The following NEURL1B variants were observed in gnomAD, a reference collection of about 807,000 sequenced individuals.
The protein encoded by NEURL1B is neuralized E3 ubiquitin protein ligase 1B.
A neutral mutation model predicts 37.4 loss-of-function variants in NEURL1B; 13 were observed. The observed-to-expected ratio is 0.35, with a 90% CI of 0.23 to 0.55. The LOEUF is 0.55. Ranked by LOEUF, NEURL1B falls within the 20% of genes least tolerant of loss-of-function variation. The pLI is 0.89. For synonymous variants in NEURL1B, 432 were observed against 426.6 expected, an observed-to-expected ratio of 1.01 and a Z score of -0.16; for missense variants, 790 against 879.2, an observed-to-expected ratio of 0.90 and a Z score of 1.28.
chr5:172,656,691 T>C, intron 1 of NEURL1B: 2 of 1,459,140 alleles, frequency 1.4e-6, no homozygotes, highest in Non-Finnish European at 9.5e-7. Context: ...TGGCTTCTTC[T>C]TGCCACCTTC....
At chr5:172,649,955 C>T (rs931360736) in intron 1 of NEURL1B, among the ~76,000 whole-genome samples, 29 of 149,336 alleles carry the variant, frequency 1.9e-4, no homozygotes, top group African/African-American at 6.5e-4. Context: ...CCGCTAGCCT[C>T]ACTTCTAGGC....
At chr5:172,669,054 T>C (rs1241650064) in intron 1 of NEURL1B, among the ~76,000 whole-genome samples, 1 of 152,164 alleles carries the variant, frequency 6.6e-6, no homozygotes, top group Non-Finnish European at 1.5e-5. Context: ...CTCAGTAATA[T>C]ATATCATCAG....
At chr5:172,653,718 A>G (rs1757711502) in intron 1 of NEURL1B, among the ~76,000 whole-genome samples, 1 of 152,230 alleles carries the variant, frequency 6.6e-6, no homozygotes, top group Admixed American at 6.5e-5. Flanking sequence ...TAATCCTTTT[A>G]CTAAAAGTAT....
chr5:172,641,488 G>T lies in NEURL1B; in HGVS notation c.31+51G>T, dbSNP rs1757458643. ...GGCGGGCGCCGGGCTTCTCTCCTCC[G>T]GGGGACCCGCTGGGTGACTCTGGAG... On this transcript the variant is annotated intron_variant, in intron 1 of 4. Coordinates refer to ENST00000369800, the MANE Select transcript of NEURL1B (RefSeq NM_001142651.3). The surrounding 1 kb of genome is among the most constrained non-coding windows in gnomAD (Gnocchi z 6.4). 8.0e-7 allele frequency: 1 copy of T among 1,251,678 alleles called. No individual in the cohort carries two copies. Among genetic ancestry groups the T allele is most frequent in the South Asian group, 3.0e-5 (1 of 32,870 alleles). The allele number at this position is 1,251,678 out of a possible 1,614,324, so 77.5% of individuals were successfully genotyped here.
At position 172,689,290 on chromosome 5, in the gene NEURL1B, CAA is replaced by C. The variant is rs1758581437; in HGVS notation, c.*2366_*2367del. ...ACTATGTTCTGTCTTGAGAAGGGGA[CAA>C]GAGAAAGAGGAAAAGGAGCCACTGT... is the stretch of plus-strand genomic sequence containing the variant. On this transcript the variant is annotated 3_prime_UTR_variant, in exon 5 of 5. Coordinates refer to ENST00000369800, the MANE Select transcript of NEURL1B (RefSeq NM_001142651.3). 1.3e-5 allele frequency: 2 copies of C among 152,198 alleles called. No homozygotes were observed. The highest frequency in any genetic ancestry group is 4.1e-4 in the South Asian group (2 of 4,828). 9.4% of individuals were successfully genotyped at this position (152,198 alleles called of 1,614,324 possible). A position where few individuals can be genotyped will look rare whatever the true frequency, so the allele number is the denominator to read the frequency against.
intron 2 of NEURL1B, among the ~76,000 whole-genome samples, chr5:172,680,340 T>C (rs775883478): frequency 6.6e-6 from 1 of 151,964 alleles, no homozygotes. Flanking sequence ...CCTGTCTCCA[T>C]AGGCCATGCT....
chr5:172,686,694 C>T lies in NEURL1B; in HGVS notation c.1437C>T (p.Ser479=), dbSNP rs541333797. ...ASESSLVTAP[S]SPLSPPVSPV... ...CCCTTTCGGCAGTGACGGCCCCCAGCTCCCCGCTGAGCCCCCCGGTGTCCC... is the reference window on the plus strand; with the variant it reads ...CCCTTTCGGCAGTGACGGCCCCCAGTTCCCCGCTGAGCCCCCCGGTGTCCC... The change falls in exon 5 of 5, where the codon AGC becomes AGT. Residue 479 remains serine, a synonymous_variant. Transcript: ENST00000369800. This position sits in a 1 kb window ranked among gnomAD's most constrained non-coding sequence, Gnocchi z 7.9. 83 of 1,549,910 alleles carry T rather than the reference C, an allele frequency of 5.4e-5. No individual in the cohort carries two copies. Among genetic ancestry groups the T allele is most frequent in the Middle Eastern group, 5.0e-4 (3 of 5,986 alleles).
At chr5:172,643,017 C>T (rs1757495328) in intron 1 of NEURL1B, among the ~76,000 whole-genome samples, 1 of 152,234 alleles carries the variant, frequency 6.6e-6, no homozygotes, top group South Asian at 2.1e-4. Flanking sequence ...GCCATTCTGC[C>T]ACCTGTGGGT....
intron 2 of NEURL1B, among the ~76,000 whole-genome samples, chr5:172,672,009 T>C (rs1052098297): frequency 2.6e-5 from 4 of 152,312 alleles, no homozygotes; most frequent in Admixed American, 1.3e-4. Flanking sequence ...ATCTGCAAAA[T>C]GGGCACAAGA....
intron 1 of NEURL1B, among the ~76,000 whole-genome samples, chr5:172,660,985 T>A (rs888502172): frequency 6.6e-6 from 1 of 152,196 alleles, no homozygotes; most frequent in African/African-American, 2.4e-5. Context: ...AATGGAACTT[T>A]GTTGGCAAAG....
chr5:172,686,685 G>A lies in NEURL1B; in HGVS notation c.1428G>A (p.Thr476=), dbSNP rs932608994. The change falls in exon 5 of 5, where the codon ACG becomes ACA. Residue 476 remains threonine, a synonymous_variant. Coordinates refer to ENST00000369800, the MANE Select transcript of NEURL1B (RefSeq NM_001142651.3). This position sits in a 1 kb window ranked among gnomAD's most constrained non-coding sequence, Gnocchi z 7.9. The part of the protein sequence containing the change: ...SSSASESSLV[T]APSSPLSPPV... ...TCCTCTTCTCCCTTTCGGCAGTGAC[G>A]GCCCCCAGCTCCCCGCTGAGCCCCC... 1.0e-5 allele frequency: 16 copies of A among 1,548,546 alleles called. No homozygotes were observed. The highest frequency in any genetic ancestry group is 1.7e-4 in the Middle Eastern group (1 of 6,004).
intron 2 of NEURL1B, among the ~76,000 whole-genome samples, chr5:172,672,617 G>C (rs1377150229): frequency 6.6e-6 from 1 of 150,484 alleles, no homozygotes; most frequent in Non-Finnish European, 1.5e-5. Flanking sequence ...GAGAGGTAGA[G>C]TCTGCTGGAA....
intron 1 of NEURL1B, among the ~76,000 whole-genome samples, chr5:172,654,030 A>G (rs1463279011): frequency 1.3e-5 from 2 of 152,202 alleles, no homozygotes; most frequent in Non-Finnish European, 2.9e-5. Context: ...ATTCTTTTCC[A>G]AAGTGAACTT....
chr5:172,656,458 T>C (rs1050147184), intron 1 of NEURL1B: 17 of 1,352,640 alleles, frequency 1.3e-5, no homozygotes, highest in Admixed American at 4.0e-5. Flanking sequence ...TGGCAGGGAA[T>C]AGAGAGGTTT....
intron 1 of NEURL1B, among the ~76,000 whole-genome samples, chr5:172,667,716 C>T (rs1298250111): frequency 6.6e-6 from 1 of 152,098 alleles, no homozygotes; most frequent in Non-Finnish European, 1.5e-5. Flanking sequence ...CTTGCCACCG[C>T]CTCCCAGCAG....
At chr5:172,682,589 T>C (rs971910407) in intron 2 of NEURL1B, among the ~76,000 whole-genome samples, 1 of 151,992 alleles carries the variant, frequency 6.6e-6, no homozygotes, top group Non-Finnish European at 1.5e-5. Context: ...AAAAAAAAAA[T>C]TTCTTTTCCC....
In NEURL1B at chr5:172,686,601, C is replaced by A. The variant is rs1442312832; in HGVS notation, c.1424-80C>A. The stretch of plus-strand genomic sequence containing the variant: ...TCTCCCACCGGTCCCAGCAAGAAGC[C>A]CTGCATTCTCGGGGTTGCCCCAACA... On this transcript the variant is annotated intron_variant, in intron 4 of 4. Coordinates refer to ENST00000369800, the MANE Select transcript of NEURL1B (RefSeq NM_001142651.3). The surrounding 1 kb of genome is among the most constrained non-coding windows in gnomAD (Gnocchi z 7.9). The A allele has an allele frequency of 1.4e-6, 2 of 1,446,922 alleles. No individual in the cohort carries two copies. Among genetic ancestry groups the A allele is most frequent in the Non-Finnish European group, 1.9e-6 (2 of 1,071,950 alleles). 89.6% of individuals were successfully genotyped at this position (1,446,922 alleles called of 1,614,324 possible).
rs1348457286 is a variant in NEURL1B at position 172,654,659 on chromosome 5, A to G, written c.31+13222A>G. 2.1e-5 allele frequency among the ~76,000 whole-genome samples: 3 copies of G among 142,364 alleles called. No individual in the cohort carries two copies. In the East Asian group the frequency reaches 6.2e-4, roughly 29 times the overall value. The allele number at this position is 142,364 out of a possible 152,430, so 93.4% of individuals were successfully genotyped here. A position where few individuals can be genotyped will look rare whatever the true frequency, so the allele number is the denominator to read the frequency against. On this transcript the variant is annotated intron_variant, in intron 1 of 4. Coordinates refer to ENST00000369800, the MANE Select transcript of NEURL1B (RefSeq NM_001142651.3). ...GGTTTCCTCTAAAAGTTATTTTTCT[A>G]CTTTTTTCTGTTAGCAAAGCCGTTG...
At chr5:172,662,629 T>C (rs1757922456) in intron 1 of NEURL1B, among the ~76,000 whole-genome samples, 1 of 152,194 alleles carries the variant, frequency 6.6e-6, no homozygotes, top group Non-Finnish European at 1.5e-5. Flanking sequence ...TACAGTGACT[T>C]GCTCAAGGCT....
Sources: gnomAD v4.1 joint callset for allele counts (sites outside exome capture counted in the v4.1 genomes callset) on GRCh38, gnomAD v4.1.1 for gene constraint, Gnocchi (gnomAD v3.1) non-coding constraint, MANE v1.5 for transcripts, NCBI Gene and HGNC (gene_info 2026-07-23, HGNC 2026-07-21) for gene names.